Variants in NLRP5 observed in about 807,000 individuals in gnomAD.
The protein encoded by NLRP5 is NACHT, LRR and PYD domains-containing protein 5.
Under a neutral mutation model 113.1 loss-of-function variants are expected in NLRP5, and 93 were observed. The ratio of observed to expected loss-of-function variants is 0.82; its 90% CI spans 0.70 to 0.98. NLRP5 has a LOEUF of 0.98. Ranked by LOEUF, NLRP5 falls within the 50% of genes least tolerant of loss-of-function variation. The pLI is 0.00. For synonymous variants in NLRP5, 751 were observed against 600.7 expected, an observed-to-expected ratio of 1.25 and a Z score of -3.66; for missense variants, 1,808 against 1,514.3, an observed-to-expected ratio of 1.19 and a Z score of -3.22.
chr19:56,051,865 G>A (rs1983943376), intron 12 of NLRP5, among the ~76,000 whole-genome samples: 1 of 152,204 alleles, frequency 6.6e-6, no homozygotes, highest in South Asian at 2.1e-4. Flanking sequence ...CACAAGTGGG[G>A]TATCATTTTG....
intron 11 of NLRP5, among the ~76,000 whole-genome samples, chr19:56,041,452 C>T (rs539228105): frequency 1.3e-5 from 2 of 152,192 alleles, no homozygotes; most frequent in East Asian, 1.9e-4. Context: ...TTTCATCAAT[C>T]GATGAAAATG....
intron 6 of NLRP5, among the ~76,000 whole-genome samples, chr19:56,023,945 C>T (rs182511930): frequency 2.6e-5 from 4 of 152,116 alleles, no homozygotes; most frequent in African/African-American, 9.6e-5. Flanking sequence ...AACTTAAGGT[C>T]CCAGGATATG....
At position 56,004,018 on chromosome 19, in the gene NLRP5, C is replaced by T; in HGVS notation, c.365C>T (p.Ala122Val). The T allele has an allele frequency of 6.2e-7, 1 of 1,613,950 alleles. No homozygotes were observed. Among genetic ancestry groups the T allele is most frequent in the Non-Finnish European group, 8.5e-7 (1 of 1,179,884 alleles). The change falls in exon 2 of 15, where the codon GCC becomes GTC. Residue 122 changes from alanine to valine, a missense_variant. Physicochemically the swap from Ala to Val is moderately conservative, Grantham distance 64. Transcript: ENST00000390649. ...CATGAGTATTATGGAGCATCGCTGG[C>T]CTGGGCTACGTCCATTAGCATCTTT...
chr19:56,040,841 TTCCCC>T, intron 10 of NLRP5, 76 bp from the exon 11 acceptor site: 1 of 1,237,514 alleles, frequency 8.1e-7, no homozygotes, highest in Non-Finnish European at 1.1e-6. Context: ...TGATACGTCT[TTCCCC>T]TCCTTGTAAA....
chr19:56,056,488 C>T (rs1263361616), intron 13 of NLRP5, among the ~76,000 whole-genome samples: 10 of 151,688 alleles, frequency 6.6e-5, no homozygotes, highest in African/African-American at 1.9e-4. Context: ...ACCTGGGAGG[C>T]GGAGGTTGCA....
At chr19:56,015,439 G>A (rs1345037767) in intron 3 of NLRP5, among the ~76,000 whole-genome samples, 13 of 152,238 alleles carry the variant, frequency 8.5e-5, no homozygotes, top group East Asian at 7.7e-4. Flanking sequence ...CAAAAGATTC[G>A]CCTGCCTCGG....
At chr19:56,054,212 A>T (rs769088180) in intron 13 of NLRP5, among the ~76,000 whole-genome samples, 1 of 152,162 alleles carries the variant, frequency 6.6e-6, no homozygotes, top group Non-Finnish European at 1.5e-5. Context: ...AGAGCCAGCC[A>T]GGGGCTTAAG....
intron 9 of NLRP5, among the ~76,000 whole-genome samples, chr19:56,037,213 G>A (rs964589234): frequency 2.0e-5 from 3 of 152,108 alleles, no homozygotes; most frequent in Admixed American, 1.3e-4. Flanking sequence ...TTCCTCTTTC[G>A]TAAATACTGC....
chr19:56,028,059 C>T lies in NLRP5; in HGVS notation c.1826C>T (p.Pro609Leu). ...CTGGAAATCGAGCCAGCTCTCTGCC[C>T]TCTGTACGTTGAGAAGACAAAGAGG... is the stretch of plus-strand genomic sequence containing the variant. The change falls in exon 7 of 15, where the codon CCT (proline) becomes CTT (leucine). Residue 609 changes from proline to leucine, a missense_variant. By Grantham distance (98) the Pro-to-Leu change is moderately conservative. Transcript: ENST00000390649. 6.2e-7 allele frequency: 1 copy of T among 1,614,038 alleles called. No individual in the cohort carries two copies. The highest frequency in any genetic ancestry group is 8.5e-7 in the Non-Finnish European group (1 of 1,179,894).
chr19:55,990,079 CTTTTTTTTTTTTT>C, the NLRP5 span, among the ~76,000 whole-genome samples: 47 of 95,948 alleles, frequency 4.9e-4, no homozygotes, highest in Middle Eastern at 7.5e-3. Context: ...TTTCTTTTTT[CTTTTTTTTTTTTT>C]TTTTTTTTTT....
At chr19:56,043,542 CTTTTTTTTTTTTTTTTTTTTTTTTTTTT>C in intron 11 of NLRP5, among the ~76,000 whole-genome samples, 1 of 92,920 alleles carries the variant, frequency 1.1e-5, no homozygotes, top group African/African-American at 5.3e-5. Flanking sequence ...CTCTGCTATT[CTTTTTTTTTTTTTTTTTTTTTTTTTTTT>C]TTTTTTTTTT....
At position 56,021,095 on chromosome 19, in the gene NLRP5, C is replaced by G. The variant is rs548908874; in HGVS notation, c.679+664C>G. Among the ~76,000 whole-genome samples, 3 of 152,198 alleles carry G rather than the reference C, an allele frequency of 2.0e-5. No individual in the cohort carries two copies. The South Asian group carries it at 6.2e-4, about 32-fold the overall frequency. The stretch of plus-strand genomic sequence containing the variant: ...CCATATTGGCCAGGTCGGTCTCGCA[C>G]TCCTGATCTCGTGATCTGCCCACCT... On this transcript the variant is annotated intron_variant, in intron 6 of 14. Transcript: ENST00000390649.
At chr19:56,010,922 C>G (rs1982164338) in intron 3 of NLRP5, among the ~76,000 whole-genome samples, 1 of 151,820 alleles carries the variant, frequency 6.6e-6, no homozygotes, top group African/African-American at 2.4e-5. Context: ...GAGGCTGAGG[C>G]AGGCAGATTG....
At chr19:56,044,666 T>C (rs1983656717) in intron 11 of NLRP5, among the ~76,000 whole-genome samples, 1 of 152,200 alleles carries the variant, frequency 6.6e-6, no homozygotes, top group Non-Finnish European at 1.5e-5. Context: ...TTTGTTCTTT[T>C]TGCTGAGTTT....
At chr19:56,019,309 A>G (rs771455358) in intron 4 of NLRP5, 33 bp from the exon 5 acceptor site, 43 of 1,613,452 alleles carry the variant, frequency 2.7e-5, no homozygotes, top group Non-Finnish European at 3.6e-5. Context: ...AATAATAAAC[A>G]CAAGTATGTT....
At chr19:56,046,764 C>T (rs1185885413) in intron 11 of NLRP5, among the ~76,000 whole-genome samples, 3 of 152,112 alleles carry the variant, frequency 2.0e-5, no homozygotes, top group African/African-American at 7.2e-5. Flanking sequence ...GATCTCCTGA[C>T]CTCGTGATCT....
the NLRP5 span, chr19:55,988,540 C>T: frequency 6.7e-6 from 1 of 149,088 alleles, no homozygotes; most frequent in Non-Finnish European, 1.5e-5. Context: ...TCATCGTCTT[C>T]TTGCTTCTTC....
intron 4 of NLRP5, among the ~76,000 whole-genome samples, chr19:56,016,808 G>A (rs1301063624): frequency 6.6e-6 from 1 of 152,098 alleles, no homozygotes; most frequent in Non-Finnish European, 1.5e-5. Context: ...AACCCATTGT[G>A]TATATACACC....
the NLRP5 span, among the ~76,000 whole-genome samples, chr19:55,993,811 G>A: frequency 1.3e-5 from 2 of 150,902 alleles, no homozygotes; most frequent in Non-Finnish European, 2.9e-5. Flanking sequence ...CATCTGTGTT[G>A]TCACAAATGG....
Sources: allele counts gnomAD v4.1 joint callset (sites outside exome capture counted in the v4.1 genomes callset), GRCh38; gene constraint gnomAD v4.1.1; transcripts MANE v1.5; gene names NCBI Gene and HGNC (gene_info 2026-07-23, HGNC 2026-07-21).